Variants in PRXL2A observed in about 807,000 individuals in gnomAD.
PRXL2A encodes the protein peroxiredoxin like 2A.
Under a neutral mutation model 25.6 loss-of-function variants are expected in PRXL2A, and 26 were observed. The ratio of observed to expected loss-of-function variants is 1.02; its 90% confidence interval spans 0.74 to 1.41. The LOEUF (loss-of-function observed/expected upper bound fraction) is 1.41, where lower values mean the gene tolerates loss of function less well. PRXL2A is among the 40% of genes most tolerant of loss of function. The pLI is 0.00. For synonymous variants in PRXL2A, 98 were observed against 102.9 expected (o/e 0.95, Z 0.29); for missense variants, 246 against 273.9 (o/e 0.90, Z 0.72).
At chr10:80,431,551 G>A (rs1431479602) in intron 5 of PRXL2A, among the ~76,000 whole-genome samples, 1 of 151,940 alleles carries the variant, frequency 6.6e-6, no homozygotes, top group Non-Finnish European at 1.5e-5. Context: ...GAAAAATGAG[G>A]GTCTCTCTTT....
intron 5 of PRXL2A, among the ~76,000 whole-genome samples, chr10:80,428,972 G>A (rs1845142449): frequency 6.6e-6 from 1 of 151,932 alleles, no homozygotes; most frequent in Admixed American, 6.6e-5. Flanking sequence ...TGCGATCTCG[G>A]CTCACTGCAA....
At chr10:80,431,076 T>G (rs1324367704) in intron 5 of PRXL2A, among the ~76,000 whole-genome samples, 2 of 152,134 alleles carry the variant, frequency 1.3e-5, no homozygotes, top group Non-Finnish European at 2.9e-5. Flanking sequence ...TTTTGTATTT[T>G]TAGTAGAGAC....
rs1253171087 is a variant in PRXL2A at position 80,436,147 on chromosome 10, C to T, written c.*4048C>T. 1.4e-5 allele frequency: 2 copies of T among 140,398 alleles called. No homozygotes were observed. Among genetic ancestry groups the T allele is most frequent in the Non-Finnish European group, 3.0e-5 (2 of 65,714 alleles). 8.7% of individuals were successfully genotyped at this position (140,398 alleles called of 1,614,324 possible). ...TTTTTTTTTTTTAGATAGAATCTTG[C>T]TTGTCACCTAGGCTAGAGTGCAGTA... On this transcript the variant is annotated 3_prime_UTR_variant, in exon 6 of 6. Transcript: ENST00000606162.
chr10:80,423,603 G>A (rs375313953), intron 3 of PRXL2A, among the ~76,000 whole-genome samples: 2 of 152,156 alleles, frequency 1.3e-5, no homozygotes, highest in African/African-American at 4.8e-5. Context: ...TGTGATGCCT[G>A]CAGTACCCTA....
upstream of PRXL2A, chr10:80,408,427 C>CGGCCCGGAGGTCGGCGAGTCGGGGGCA (rs1844341451): frequency 6.6e-6 from 1 of 152,232 alleles, no homozygotes; most frequent in African/African-American, 2.4e-5. Context: ...TAGGAGACCG[C>CGGCCCGGAGGTCGGCGAGTCGGGGGCA]GGCCCGGAGG....
chr10:80,409,015 AG>A, intron 1 of PRXL2A: 1 of 984,738 alleles, frequency 1.0e-6, no homozygotes, highest in South Asian at 4.7e-5. Flanking sequence ...AACAGAGGAG[AG>A]GGCCCTGCCC....
In PRXL2A at chr10:80,427,497, G is replaced by C. The variant is rs754689420; in HGVS notation, c.576+1G>C. ...TTTCGTGGTGGGATCAGGAAAGCAG[G>C]TGAGTTCTTGGTGTTTACTTGTGGT... is the stretch of plus-strand genomic sequence containing the variant. On this transcript the variant is annotated splice_donor_variant, in intron 5 of 5. Coordinates refer to ENST00000606162, the MANE Select transcript of PRXL2A (RefSeq NM_032333.5). LOFTEE classifies it high-confidence loss of function. 5 of 1,613,908 alleles carry C rather than the reference G, an allele frequency of 3.1e-6. No homozygotes were observed. The South Asian group carries it at 4.4e-5, about 14-fold the overall frequency.
At chr10:80,429,835 A>C (rs941388463) in intron 5 of PRXL2A, among the ~76,000 whole-genome samples, 6 of 151,972 alleles carry the variant, frequency 3.9e-5, no homozygotes, top group Non-Finnish European at 1.5e-5. Flanking sequence ...CTGCCTTCTC[A>C]TGGCCTCTAG....
chr10:80,414,721 T>C (rs900382959), intron 1 of PRXL2A, among the ~76,000 whole-genome samples: 1 of 152,200 alleles, frequency 6.6e-6, no homozygotes, highest in East Asian at 1.9e-4. Context: ...GGGAAGTTAC[T>C]GAACTCTGAA....
In PRXL2A at chr10:80,427,418, G is replaced by A. The variant is rs1845083002; in HGVS notation, c.498G>A (p.Trp166Ter). Residue 166 changes from tryptophan (W) to a stop codon, truncating the protein, a stop_gained, in exon 5 of 6, where the codon TGG (tryptophan) becomes TGA (stop). Transcript: ENST00000606162. LOFTEE classifies it high-confidence loss of function. ...LGVWYNFFRAWNGGFSGNLEG... is the reference protein window; with the variant it reads ...LGVWYNFFRA Reference sequence around the variant, plus strand: ...TGTGGTACAACTTCTTCCGAGCCTGGAACGGAGGCTTCTCTGGAAACCTGG... The same window carrying A: ...TGTGGTACAACTTCTTCCGAGCCTGAAACGGAGGCTTCTCTGGAAACCTGG... 1 of 1,614,136 alleles carries A rather than the reference G, an allele frequency of 6.2e-7. No individual in the cohort carries two copies. Among genetic ancestry groups the A allele is most frequent in the Non-Finnish European group, 8.5e-7 (1 of 1,180,026 alleles).
At chr10:80,416,136 C>T (rs1330303076) in intron 1 of PRXL2A, among the ~76,000 whole-genome samples, 3 of 152,206 alleles carry the variant, frequency 2.0e-5, no homozygotes, top group Non-Finnish European at 4.4e-5. Context: ...GGTTTTCCTC[C>T]TAATTGTTCT....
At chr10:80,423,486 C>T (rs879435044) in intron 3 of PRXL2A, among the ~76,000 whole-genome samples, 11 of 152,224 alleles carry the variant, frequency 7.2e-5, no homozygotes, top group Non-Finnish European at 1.5e-4. Flanking sequence ...CATCCTCATT[C>T]TCCTGGTTCC....
At chr10:80,417,116 A>G (rs954240468) in intron 1 of PRXL2A, among the ~76,000 whole-genome samples, 1 of 152,262 alleles carries the variant, frequency 6.6e-6, no homozygotes, top group Non-Finnish European at 1.5e-5. Context: ...CAATAATTCT[A>G]CAGAAGTAAA....
chr10:80,431,487 AT>A (rs1385066897), intron 5 of PRXL2A, among the ~76,000 whole-genome samples: 1 of 151,518 alleles, frequency 6.6e-6, no homozygotes. Context: ...GTCTTAGTGC[AT>A]TTTTTTTCAC....
chr10:80,413,471 C>A (rs552790378), intron 1 of PRXL2A, among the ~76,000 whole-genome samples: 1 of 152,132 alleles, frequency 6.6e-6, no homozygotes. Flanking sequence ...GCAGGCTGCA[C>A]GAGGAGCCAC....
chr10:80,433,488 G>A lies in PRXL2A; in HGVS notation c.*1389G>A, dbSNP rs1470949824. On this transcript the variant is annotated 3_prime_UTR_variant, in exon 6 of 6. Transcript: ENST00000606162. The stretch of plus-strand genomic sequence containing the variant: ...CCCAGCCAGGAGGAGAAAGGAATCA[G>A]TGTTTACCCAGGAAAGCAAGAATGG... 1 of 152,330 alleles carries A rather than the reference G, an allele frequency of 6.6e-6. No individual in the cohort carries two copies. The highest frequency in any genetic ancestry group is 2.4e-5 in the African/African-American group (1 of 41,448). The allele number at this position is 152,330 out of a possible 1,614,324, so 9.4% of individuals were successfully genotyped here.
chr10:80,412,931 A>G (rs958608390), intron 1 of PRXL2A, among the ~76,000 whole-genome samples: 1 of 152,172 alleles, frequency 6.6e-6, no homozygotes, highest in Non-Finnish European at 1.5e-5. Context: ...ATAGAGGACC[A>G]GACTAGAACC....
In PRXL2A at chr10:80,435,715, GTTTAGA is replaced by G. The variant is rs1157667960; in HGVS notation, c.*3619_*3624del. 6.6e-6 allele frequency: 1 copy of G among 152,172 alleles called. No individual in the cohort carries two copies. Among genetic ancestry groups the G allele is most frequent in the African/African-American group, 2.4e-5 (1 of 41,424 alleles). The allele number at this position is 152,172 out of a possible 1,614,324, so 9.4% of individuals were successfully genotyped here. On this transcript the variant is annotated 3_prime_UTR_variant, in exon 6 of 6. Coordinates refer to ENST00000606162, the MANE Select transcript of PRXL2A (RefSeq NM_032333.5). ...TCTCAAACTCCTGGCCTCCCAAAGT[GTTTAGA>G]TTACAGGTGTAAGCCACCACACGTG...
intron 1 of PRXL2A, among the ~76,000 whole-genome samples, chr10:80,413,166 A>G (rs1844531125): frequency 3.3e-5 from 4 of 119,862 alleles, no homozygotes; most frequent in Admixed American, 1.0e-4. Flanking sequence ...CTACTGAGCC[A>G]TGGAACTCCA....
Sources: allele counts gnomAD v4.1 joint callset (sites outside exome capture counted in the v4.1 genomes callset), GRCh38; gene constraint gnomAD v4.1.1; transcripts MANE v1.5; gene names NCBI Gene and HGNC (gene_info 2026-07-23, HGNC 2026-07-21).